USH2A: variants seen among roughly 807,000 people sequenced by gnomAD.
USH2A encodes usherin, also known as Usher syndrome 2A (autosomal recessive, mild).
A neutral mutation model predicts 538.9 loss-of-function variants in USH2A; 443 were observed. The ratio of observed to expected loss-of-function variants is 0.82; its 90% CI spans 0.76 to 0.89. The LOEUF is 0.89. USH2A is among the 40% of genes least tolerant of loss of function. The pLI, the probability that USH2A is intolerant of heterozygous loss-of-function variation, is 0.00. For missense variants in USH2A, 6,633 were observed against 6,324.8 expected, an observed-to-expected ratio of 1.05 and a Z score of -1.65; for synonymous variants, 2,413 against 2,273.5, an observed-to-expected ratio of 1.06 and a Z score of -1.75.
At chr1:215,837,036 G>GTGT (rs1215630448) in intron 47 of USH2A, among the ~76,000 whole-genome samples, 1 of 152,038 alleles carries the variant, frequency 6.6e-6, no homozygotes, top group East Asian at 1.9e-4. Flanking sequence ...TATCTATCAT[G>GTGT]TGTTTGATAG....
At chr1:216,225,401 T>C (rs2035541255) in intron 14 of USH2A, among the ~76,000 whole-genome samples, 1 of 152,196 alleles carries the variant, frequency 6.6e-6, no homozygotes, top group Non-Finnish European at 1.5e-5. Flanking sequence ...TCCTGTGTAA[T>C]GATTATCAAT....
intron 32 of USH2A, among the ~76,000 whole-genome samples, chr1:216,003,552 A>G (rs1222699900): frequency 4.6e-5 from 7 of 151,986 alleles, no homozygotes; most frequent in Admixed American, 4.6e-4. Context: ...TTTGGGTTGG[A>G]CCATTCCAAG....
At chr1:215,814,169 T>A (rs1662790922) in intron 48 of USH2A, among the ~76,000 whole-genome samples, 1 of 145,998 alleles carries the variant, frequency 6.8e-6, no homozygotes, top group Non-Finnish European at 1.5e-5. Flanking sequence ...TTTAATTATA[T>A]AAAATTTTAA....
At chr1:216,373,973 A>G (rs1175163673) in intron 3 of USH2A, among the ~76,000 whole-genome samples, 1 of 151,910 alleles carries the variant, frequency 6.6e-6, no homozygotes, top group Non-Finnish European at 1.5e-5. Context: ...TGAAACTGGA[A>G]ACCATCATTC....
intron 35 of USH2A, 98 bp from the exon 36 acceptor site, chr1:215,970,874 G>T: frequency 2.4e-6 from 3 of 1,241,560 alleles, no homozygotes; most frequent in Non-Finnish European, 3.5e-6. Flanking sequence ...TAGTTTCATG[G>T]AATCATTAAA....
chr1:216,009,097 A>G (rs1239085060), intron 32 of USH2A, among the ~76,000 whole-genome samples: 1 of 151,708 alleles, frequency 6.6e-6, no homozygotes, highest in Non-Finnish European at 1.5e-5. Context: ...CTGCACCCCA[A>G]TCCCTTATTT....
rs555008603 is a variant in USH2A, at chr1:216,087,910, T to C, written c.4886-1090A>G. Among the ~76,000 whole-genome samples the C allele has an allele frequency of 8.7e-4, 132 of 152,248 alleles. 2 individuals are homozygous for C. The highest frequency in any genetic ancestry group is 3.4e-3 in the Middle Eastern group (1 of 294). The stretch of plus-strand genomic sequence containing the variant: ...CTCAACAGAGCAGCTAGTGTGATCC[T>C]TTTAAAGAAAGCCGTCATATTATGT... On this transcript the variant is annotated intron_variant, in intron 23 of 71. Coordinates refer to ENST00000307340, the MANE Select transcript of USH2A (RefSeq NM_206933.4).
chr1:216,355,381 A>AAGAAAGAAAGAAAGAAAGAAAGAAAG (rs1164143706), intron 4 of USH2A, among the ~76,000 whole-genome samples: 1 of 150,366 alleles, frequency 6.7e-6, no homozygotes, highest in African/African-American at 2.4e-5. Flanking sequence ...GAAAGAAGGA[A>AAGAAAGAAAGAAAGAAAGAAAGAAAG]AGAAACATAT....
At chr1:216,237,927 C>G (rs754569403) in intron 13 of USH2A, among the ~76,000 whole-genome samples, 1 of 152,102 alleles carries the variant, frequency 6.6e-6, no homozygotes, top group South Asian at 2.1e-4. Context: ...ATTCAGGTCT[C>G]TCTGTGAAAA....
intron 63 of USH2A, 61 bp downstream of exon 63, chr1:215,674,039 C>A: frequency 1.9e-6 from 3 of 1,613,116 alleles, no homozygotes; most frequent in Non-Finnish European, 2.5e-6. Context: ...TGACCAAGGG[C>A]TCAGGCAATA....
chr1:215,873,217 A>G (rs1664669044), intron 43 of USH2A, among the ~76,000 whole-genome samples: 1 of 152,204 alleles, frequency 6.6e-6, no homozygotes, highest in African/African-American at 2.4e-5. Flanking sequence ...GTGCATGGCT[A>G]TGAGATGGCA....
intron 61 of USH2A, among the ~76,000 whole-genome samples, chr1:215,719,655 T>G (rs2102705711): frequency 6.6e-6 from 1 of 152,320 alleles, no homozygotes; most frequent in South Asian, 2.1e-4. Flanking sequence ...CTGCTAAAGG[T>G]TTATAGTCTA....
Position 215,675,525 on chromosome 1 carries a change from G to A in USH2A, c.12386C>T (p.Thr4129Ile). Reference protein sequence around the residue: ...FRRLDPFTLYTLTLEACTRAG... With the variant: ...FRRLDPFTLYILTLEACTRAG... ...TCTGGTGCAGGCCTCCAGGGTCAGT[G>A]TGTAGAGAGTGAAAGGATCCAGGCG... Residue 4129 changes from threonine (T) to isoleucine (I), a missense_variant, in exon 63 of 72, where the codon ACA becomes ATA. Transcript: ENST00000307340. 2 of 1,614,040 alleles carry A rather than the reference G, an allele frequency of 1.2e-6. No homozygotes were observed.
intron 47 of USH2A, among the ~76,000 whole-genome samples, chr1:215,823,860 A>G (rs973651469): frequency 1.3e-5 from 2 of 151,948 alleles, no homozygotes; most frequent in South Asian, 2.1e-4. Context: ...TATTTCTCAG[A>G]TCCAAGATTT....
rs562156819 is a variant in USH2A at position 215,992,390 on chromosome 1, TTTTA to T, written c.6805+626_6805+629del. ...CTATTACAAATTCTTCATAATGAGA[TTTTA>T]TTTTAGTGAAACGTAACTGACTAGC... On this transcript the variant is annotated intron_variant, in intron 35 of 71. Coordinates refer to ENST00000307340, the MANE Select transcript of USH2A (RefSeq NM_206933.4). 1.4e-4 allele frequency among the ~76,000 whole-genome samples: 22 copies of T among 152,298 alleles called. 1 individual carries two copies. The South Asian group carries it at 4.1e-3, about 29-fold the overall frequency.
chr1:216,035,260 C>T (rs1669222560), intron 32 of USH2A, among the ~76,000 whole-genome samples: 1 of 152,114 alleles, frequency 6.6e-6, no homozygotes, highest in African/African-American at 2.4e-5. Flanking sequence ...ATGAGCTCAA[C>T]AAGGTGGGCC....
intron 48 of USH2A, among the ~76,000 whole-genome samples, chr1:215,814,308 A>G (rs1483149903): frequency 6.8e-6 from 1 of 147,418 alleles, no homozygotes; most frequent in Non-Finnish European, 1.5e-5. Flanking sequence ...ATTATATAAA[A>G]TTTTATAATA....
chr1:215,684,307 C>T (rs1285021802), intron 61 of USH2A, among the ~76,000 whole-genome samples: 1 of 152,168 alleles, frequency 6.6e-6, no homozygotes, highest in Non-Finnish European at 1.5e-5. Flanking sequence ...ACACCATCTC[C>T]TCTGATTATT....
At chr1:216,049,011 G>A (rs1253744006) in intron 30 of USH2A, among the ~76,000 whole-genome samples, 1 of 152,124 alleles carries the variant, frequency 6.6e-6, no homozygotes, top group African/African-American at 2.4e-5. Flanking sequence ...ACCTCCTGCA[G>A]AAACAAAACT....
Sources: allele counts gnomAD v4.1 joint callset (sites outside exome capture counted in the v4.1 genomes callset), GRCh38; gene constraint gnomAD v4.1.1; transcripts MANE v1.5; gene names NCBI Gene and HGNC (gene_info 2026-07-23, HGNC 2026-07-21).